Variants in TBC1D5 observed in about 807,000 individuals in gnomAD.
TBC1D5 encodes the protein TBC1 domain family, member 5.
TBC1D5 carries 75 observed loss-of-function variants against 100.3 expected under a neutral mutation model. That is an observed-to-expected ratio of 0.75 (90% confidence interval 0.62 to 0.91). The LOEUF (loss-of-function observed/expected upper bound fraction) is 0.91. Among genes scored for constraint, TBC1D5 ranks in the 40% least tolerant of loss-of-function variants. The pLI, the probability that TBC1D5 is intolerant of heterozygous loss-of-function variation, is 0.00. For synonymous variants in TBC1D5, 323 were observed against 325.6 expected (o/e 0.99, Z 0.09); for missense variants, 910 against 942.4 (o/e 0.97, Z 0.45).
At chr3:17,308,238 C>A (rs2083606569) in intron 13 of TBC1D5, 104 bp from the exon 14 acceptor site, 6 of 1,085,086 alleles carry the variant, frequency 5.5e-6, no homozygotes, top group South Asian at 2.6e-5. Context: ...ACACAGTGAG[C>A]AAATATTATA....
chr3:17,604,694 G>A (rs367726133), intron 2 of TBC1D5, among the ~76,000 whole-genome samples: 1 of 152,052 alleles, frequency 6.6e-6, no homozygotes, highest in Non-Finnish European at 1.5e-5. Flanking sequence ...TTTTGGTTTG[G>A]TTTTGAGACA....
chr3:17,394,088 C>T (rs537867376), intron 8 of TBC1D5, among the ~76,000 whole-genome samples: 19 of 152,156 alleles, frequency 1.2e-4, no homozygotes, highest in African/African-American at 4.3e-4. Flanking sequence ...TCCTACAGTG[C>T]GCAAAACAAC....
In TBC1D5 at chr3:17,597,987, G is replaced by A. The variant is rs183370143; in HGVS notation, c.-36+25862C>T. ...AATTTAGCTTAAAATAAGAAATAAGGTAGCCATTCCCTGCCCCCCCGCCCC... is the reference window on the plus strand; with the variant it reads ...AATTTAGCTTAAAATAAGAAATAAGATAGCCATTCCCTGCCCCCCCGCCCC... On this transcript the variant is annotated intron_variant, in intron 2 of 21. Transcript: ENST00000253692. 4.4e-4 allele frequency among the ~76,000 whole-genome samples: 63 copies of A among 143,076 alleles called. No homozygotes were observed. The East Asian group carries it at 7.2e-3, about 16-fold the overall frequency. 93.9% of individuals were successfully genotyped at this position (143,076 alleles called of 152,430 possible). A position where few individuals can be genotyped will look rare whatever the true frequency, so the allele number is the denominator to read the frequency against.
At chr3:17,697,672 C>G (rs1242365119) in intron 1 of TBC1D5, among the ~76,000 whole-genome samples, 1 of 152,208 alleles carries the variant, frequency 6.6e-6, no homozygotes, top group Non-Finnish European at 1.5e-5. Context: ...TGAAAATGGC[C>G]ATACTGCCCA....
At chr3:17,206,613 C>A (rs974496310) in intron 18 of TBC1D5, among the ~76,000 whole-genome samples, 6 of 152,104 alleles carry the variant, frequency 3.9e-5, no homozygotes, top group Non-Finnish European at 8.8e-5. Flanking sequence ...CGAATGCACA[C>A]AGGGGTCACA....
chr3:17,649,436 T>C (rs1032652586), intron 1 of TBC1D5, among the ~76,000 whole-genome samples: 67 of 152,270 alleles, frequency 4.4e-4, no homozygotes, highest in African/African-American at 1.5e-3. Context: ...TGTTTACCTA[T>C]GTAACAAATC....
intron 7 of TBC1D5, 68 bp from the exon 8 acceptor site, chr3:17,403,316 A>C: frequency 9.3e-7 from 1 of 1,071,148 alleles, no homozygotes; most frequent in Non-Finnish European, 1.3e-6. Flanking sequence ...ATTTCAATTT[A>C]ATAATGTAAA....
At chr3:17,455,648 G>A (rs1317914140) in intron 3 of TBC1D5, among the ~76,000 whole-genome samples, 2 of 151,412 alleles carry the variant, frequency 1.3e-5, no homozygotes, top group Admixed American at 1.3e-4. Context: ...AACCAACCTG[G>A]GCAACATGAA....
intron 15 of TBC1D5, among the ~76,000 whole-genome samples, chr3:17,277,138 A>G (rs1270306262): frequency 6.6e-6 from 1 of 152,256 alleles, no homozygotes; most frequent in Non-Finnish European, 1.5e-5. Context: ...ATTAAAGGAA[A>G]CGATCATTAT....
intron 13 of TBC1D5, among the ~76,000 whole-genome samples, chr3:17,354,869 A>G (rs2091047782): frequency 6.6e-6 from 1 of 152,050 alleles, no homozygotes; most frequent in Non-Finnish European, 1.5e-5. Flanking sequence ...GTTTTCATCA[A>G]TATAGGCAAG....
intron 19 of TBC1D5, among the ~76,000 whole-genome samples, chr3:17,178,637 A>G (rs898974069): frequency 2.0e-5 from 3 of 152,066 alleles, no homozygotes; most frequent in African/African-American, 4.8e-5. Context: ...CCAACAATGA[A>G]CAAAAGTTCT....
At chr3:17,160,705 T>C (rs2065950307) in exon 22 of TBC1D5, 3 of 482,896 alleles carry the variant, frequency 6.2e-6, no homozygotes, top group Non-Finnish European at 1.1e-5. Flanking sequence ...GTAACTCAGC[T>C]CTAACTCAGA....
At chr3:17,248,120 C>T (rs968543245) in intron 16 of TBC1D5, among the ~76,000 whole-genome samples, 7 of 151,890 alleles carry the variant, frequency 4.6e-5, no homozygotes, top group African/African-American at 1.7e-4. Context: ...GCCTTGCGAG[C>T]AACTGGGACT....
At chr3:17,225,685 A>G (rs932500417) in intron 17 of TBC1D5, among the ~76,000 whole-genome samples, 2 of 151,900 alleles carry the variant, frequency 1.3e-5, no homozygotes, top group African/African-American at 4.8e-5. Flanking sequence ...TCTACAATAA[A>G]AATGAAAAAG....
intron 13 of TBC1D5, among the ~76,000 whole-genome samples, chr3:17,344,931 G>T (rs571768096): frequency 1.3e-4 from 20 of 152,250 alleles, no homozygotes; most frequent in Admixed American, 5.2e-4. Flanking sequence ...ATGGATTAAA[G>T]ACTTAAACGT....
At chr3:17,483,334 G>C (rs537350748) in intron 3 of TBC1D5, among the ~76,000 whole-genome samples, 1 of 151,922 alleles carries the variant, frequency 6.6e-6, no homozygotes, top group East Asian at 1.9e-4. Flanking sequence ...AAAGTTCCTA[G>C]TAGACTAAAT....
chr3:17,296,575 T>C (rs2082279763), intron 14 of TBC1D5, among the ~76,000 whole-genome samples: 1 of 152,196 alleles, frequency 6.6e-6, no homozygotes, highest in South Asian at 2.1e-4. Flanking sequence ...CAACAAAATT[T>C]TACTCTCTTC....
intron 15 of TBC1D5, among the ~76,000 whole-genome samples, chr3:17,288,461 T>G (rs1441195631): frequency 6.6e-6 from 1 of 152,158 alleles, no homozygotes; most frequent in Non-Finnish European, 1.5e-5. Flanking sequence ...GTCTTCCTGT[T>G]TGCCATGCTT....
chr3:17,441,993 A>G (rs2094670070), intron 3 of TBC1D5, among the ~76,000 whole-genome samples: 1 of 152,192 alleles, frequency 6.6e-6, no homozygotes, highest in Non-Finnish European at 1.5e-5. Context: ...ACAAAAAAAC[A>G]AAAACAAAAA....
Sources: gnomAD v4.1 joint callset for allele counts (sites outside exome capture counted in the v4.1 genomes callset) on GRCh38, gnomAD v4.1.1 for gene constraint, MANE v1.5 for transcripts, NCBI Gene and HGNC (gene_info 2026-07-23, HGNC 2026-07-21) for gene names.